Variants in SLC44A2 observed in about 807,000 individuals in gnomAD.
The protein encoded by SLC44A2 is solute carrier family 44 member 2 (CTL2 blood group).
SLC44A2 carries 57 observed loss-of-function variants against 90.8 expected under a neutral mutation model. The observed-to-expected ratio is 0.63, with a 90% confidence interval of 0.51 to 0.78. The LOEUF is 0.78. Among genes scored for constraint, SLC44A2 ranks in the 30% least tolerant of loss-of-function variants. The pLI is 0.00. For missense variants in SLC44A2, 794 were observed against 919.7 expected, an observed-to-expected ratio of 0.86 and a Z score of 1.77; for synonymous variants, 355 against 360.7, an observed-to-expected ratio of 0.98 and a Z score of 0.18.
intron 20 of SLC44A2, among the ~76,000 whole-genome samples, chr19:10,639,695 A>T (rs887752458): frequency 2.6e-5 from 4 of 152,144 alleles, no homozygotes; most frequent in Non-Finnish European, 5.9e-5. Context: ...CCTTGCCAGC[A>T]TGGCGAAACC....
rs563677929 is a variant in SLC44A2, at chr19:10,612,940, G to GGCTGTGCTCCTCACCA, written c.31+10386_31+10401dup. Among the ~76,000 whole-genome samples the GGCTGTGCTCCTCACCA allele has an allele frequency of 1.2e-4, 18 of 152,324 alleles. No homozygotes were observed. The South Asian group carries it at 3.7e-3, about 32-fold the overall frequency. The stretch of plus-strand genomic sequence containing the variant: ...CCAGCAGGGCGTTGGTTTGACTCCT[G>GGCTGTGCTCCTCACCA]GCTGTGCTCCTCACCAGCTGTGTGG... On this transcript the variant is annotated intron_variant, in intron 1 of 21. Transcript: ENST00000407327.
At chr19:10,607,344 G>A (rs193188037) in intron 1 of SLC44A2, among the ~76,000 whole-genome samples, 28 of 151,696 alleles carry the variant, frequency 1.8e-4, no homozygotes, top group African/African-American at 6.5e-4. Flanking sequence ...TTTATTCTTT[G>A]TTGTTGTTGT....
intron 1 of SLC44A2, among the ~76,000 whole-genome samples, chr19:10,606,832 T>C (rs1918117363): frequency 1.4e-5 from 2 of 146,918 alleles, no homozygotes; most frequent in South Asian, 2.1e-4. Flanking sequence ...TATATACATA[T>C]ATATTAAAAT....
intron 1 of SLC44A2, among the ~76,000 whole-genome samples, chr19:10,613,560 A>C (rs2066830727): frequency 6.6e-6 from 1 of 152,014 alleles, no homozygotes; most frequent in Non-Finnish European, 1.5e-5. Context: ...CAAGTTGAAG[A>C]CTTTGGCTGG....
At position 10,634,800 on chromosome 19, in the gene SLC44A2, G is replaced by A. The variant is rs1292276334; in HGVS notation, c.868G>A (p.Ala290Thr). The change falls in exon 11 of 22, where the codon GCC becomes ACC. Residue 290 changes from alanine to threonine, a missense_variant. Ala to Thr is a moderately conservative substitution (Grantham distance 58). Coordinates refer to ENST00000335757, the MANE Select transcript of SLC44A2 (RefSeq NM_020428.4). ...GGAGTACTCCCGACTGCGTGGTGAGGCCGGCTCTGATGTCTCTTTGGTGGA... is the reference window on the plus strand; with the variant it reads ...GGAGTACTCCCGACTGCGTGGTGAGACCGGCTCTGATGTCTCTTTGGTGGA... The part of the protein sequence containing the change: ...YMEYSRLRGE[A>T]GSDVSLVDLG... 6.2e-7 allele frequency: 1 copy of A among 1,614,142 alleles called. No homozygotes were observed. Among genetic ancestry groups the A allele is most frequent in the Non-Finnish European group, 8.5e-7 (1 of 1,180,034 alleles).
At chr19:10,602,899 A>G (rs1364458850) in intron 1 of SLC44A2, among the ~76,000 whole-genome samples, 1 of 151,206 alleles carries the variant, frequency 6.6e-6, no homozygotes, top group Non-Finnish European at 1.5e-5. Context: ...CAGGGCCCTG[A>G]CCTCCTCAAA....
intron 1 of SLC44A2, among the ~76,000 whole-genome samples, chr19:10,604,478 C>A (rs12982370): frequency 0.3 from 46,163 of 152,060 alleles, 7,823 homozygotes; most frequent in Non-Finnish European, 0.4. Context: ...TGGCCCATGA[C>A]GTCCCTGATA....
chr19:10,607,913 G>T (rs1918159227), intron 1 of SLC44A2, among the ~76,000 whole-genome samples: 1 of 150,554 alleles, frequency 6.6e-6, no homozygotes, highest in Non-Finnish European at 1.5e-5. Flanking sequence ...GCCTGCCACT[G>T]CCCCCGGCTA....
At chr19:10,614,699 G>A (rs1393430804) in intron 1 of SLC44A2, among the ~76,000 whole-genome samples, 4 of 152,122 alleles carry the variant, frequency 2.6e-5, no homozygotes, top group South Asian at 4.1e-4. Context: ...GGCTGGGCGC[G>A]GTGGCTCACG....
intron 21 of SLC44A2, 136 bp downstream of exon 21, chr19:10,642,587 TC>T: frequency 1.2e-6 from 1 of 851,920 alleles, no homozygotes; most frequent in Non-Finnish European, 1.9e-6. Flanking sequence ...TCGTCCTGGG[TC>T]CCCAGCCTGT....
intron 1 of SLC44A2, among the ~76,000 whole-genome samples, chr19:10,611,943 C>A (rs76800778): frequency 0.02 from 3,084 of 152,250 alleles, 107 homozygotes; most frequent in African/African-American, 0.07. Context: ...TTTTAGCTTT[C>A]CATGTGAAAG....
At chr19:10,637,082 G>A in intron 16 of SLC44A2, 2 of 263,714 alleles carry the variant, frequency 7.6e-6, no homozygotes, top group East Asian at 9.0e-5. Context: ...TTAGCCGGGC[G>A]CCGTGACTCA....
intron 1 of SLC44A2, among the ~76,000 whole-genome samples, 154 bp from the exon 2 acceptor site, chr19:10,626,099 C>G (rs1157297322): frequency 6.6e-6 from 1 of 152,202 alleles, no homozygotes; most frequent in Non-Finnish European, 1.5e-5. Flanking sequence ...GGTGTGGTCA[C>G]CTGGAGGTGG....
At chr19:10,602,792 C>A (rs1917999084) in intron 1 of SLC44A2, among the ~76,000 whole-genome samples, 1 of 152,272 alleles carries the variant, frequency 6.6e-6, no homozygotes, top group African/African-American at 2.4e-5. Context: ...GGCCGGGGCT[C>A]ACGGCGCATG....
chr19:10,616,131 C>A (rs1195913481), intron 1 of SLC44A2, among the ~76,000 whole-genome samples: 3 of 149,662 alleles, frequency 2.0e-5, no homozygotes, highest in Admixed American at 1.3e-4. Flanking sequence ...CAGTGAGACC[C>A]TGTCTCCAAA....
At chr19:10,604,499 G>C (rs959209346) in intron 1 of SLC44A2, among the ~76,000 whole-genome samples, 1 of 152,144 alleles carries the variant, frequency 6.6e-6, no homozygotes, top group Non-Finnish European at 1.5e-5. Context: ...GATGAAGGGA[G>C]CTTTCCCCTG....
In SLC44A2 at chr19:10,643,606, C is replaced by A; in HGVS notation, c.*221C>A. 2 of 469,264 alleles carry A rather than the reference C, an allele frequency of 4.3e-6. No homozygotes were observed. Among genetic ancestry groups the A allele is most frequent in the Non-Finnish European group, 7.4e-6 (2 of 269,568 alleles). The allele number at this position is 469,264 out of a possible 1,614,324, so 29.1% of individuals were successfully genotyped here. On this transcript the variant is annotated 3_prime_UTR_variant, in exon 22 of 22. Transcript: ENST00000335757. ...TTTTCATGGCTGCCCCTCCAGACTG[C>A]GAGAAACAAGTAAAAACCCATTGGG...
chr19:10,631,296 G>T lies in SLC44A2; in HGVS notation c.352G>T (p.Asp118Tyr). The T allele has an allele frequency of 6.2e-7, 1 of 1,613,996 alleles. No homozygotes were observed. Among genetic ancestry groups the T allele is most frequent in the Non-Finnish European group, 8.5e-7 (1 of 1,180,012 alleles). The change falls in exon 6 of 22, where the codon GAC becomes TAC. Residue 118 changes from aspartate (D) to tyrosine (Y), a missense_variant. This residue lies in a region of SLC44A2 where 738 missense variants were observed against 841.1 expected (regional missense o/e 0.88). Coordinates refer to ENST00000335757, the MANE Select transcript of SLC44A2 (RefSeq NM_020428.4). ...TPQICVEKCPDRYLTYLNARS... is the reference protein window; with the variant it reads ...TPQICVEKCPYRYLTYLNARS... Reference sequence around the variant, plus strand: ...CCAGATCTGCGTGGAAAAATGCCCCGACCGCTACCTCACGTACCTGAATGC... The same window carrying T: ...CCAGATCTGCGTGGAAAAATGCCCCTACCGCTACCTCACGTACCTGAATGC...
rs374709380 is a variant in SLC44A2 at position 10,637,719 on chromosome 19, A to T, written c.1667A>T (p.Lys556Ile). Residue 556 changes from lysine to isoleucine, a missense_variant, in exon 17 of 22, where the codon AAA becomes ATA. This residue lies in a region of SLC44A2 where 738 missense variants were observed against 841.1 expected (regional missense o/e 0.88). Transcript: ENST00000335757. ...TTCTGGTGCCTGGAGAAGTTCATCA[A>T]ATTCCTTAATAGGAATGCCTACATC... is the stretch of plus-strand genomic sequence containing the variant. Reference protein sequence around the residue: ...CCFWCLEKFIKFLNRNAYIMI... With the variant: ...CCFWCLEKFIIFLNRNAYIMI... 11 of 1,613,902 alleles carry T rather than the reference A, an allele frequency of 6.8e-6. No homozygotes were observed. The highest frequency in any genetic ancestry group is 9.3e-6 in the Non-Finnish European group (11 of 1,180,008).
Sources: allele counts gnomAD v4.1 joint callset (sites outside exome capture counted in the v4.1 genomes callset), GRCh38; gene constraint gnomAD v4.1.1; regional missense constraint gnomAD v4.1.1; transcripts MANE v1.5; gene names NCBI Gene and HGNC (gene_info 2026-07-23, HGNC 2026-07-21).